The following PRDM2 variants were observed in gnomAD, a reference collection of about 807,000 sequenced individuals.
PRDM2 encodes PR domain zinc finger protein 2.
Under a neutral mutation model 130.0 loss-of-function variants are expected in PRDM2, and 30 were observed. The ratio of observed to expected loss-of-function variants is 0.23; its 90% confidence interval spans 0.17 to 0.31. The LOEUF (loss-of-function observed/expected upper bound fraction) is 0.31. Among genes scored for constraint, PRDM2 ranks in the 10% least tolerant of loss-of-function variants. The pLI, the probability that PRDM2 is intolerant of heterozygous loss-of-function variation, is 1.00. For missense variants in PRDM2, 2,011 were observed against 2,108.4 expected, an observed-to-expected ratio of 0.95 and a Z score of 0.90; for synonymous variants, 871 against 782.4, an observed-to-expected ratio of 1.11 and a Z score of -1.89.
intron 2 of PRDM2, among the ~76,000 whole-genome samples, chr1:13,728,120 T>C (rs1642983602): frequency 6.6e-6 from 1 of 152,200 alleles, no homozygotes; most frequent in South Asian, 2.1e-4. Context: ...CCCAGCTCTT[T>C]CATTTATTTC....
At chr1:13,744,377 A>G (rs115904419) in intron 5 of PRDM2, among the ~76,000 whole-genome samples, 2,805 of 152,226 alleles carry the variant, frequency 0.018, 63 homozygotes, top group South Asian at 0.12. Context: ...ACCTCATAGG[A>G]TTGTTGTGAT....
At chr1:13,821,625 A>G (rs755296832) in intron 9 of PRDM2, among the ~76,000 whole-genome samples, 1 of 151,600 alleles carries the variant, frequency 6.6e-6, no homozygotes, top group Non-Finnish European at 1.5e-5. Flanking sequence ...TCACTAATGT[A>G]TTTTTGTATT....
chr1:13,776,622 A>G (rs1026888308), intron 7 of PRDM2, among the ~76,000 whole-genome samples: 2 of 151,824 alleles, frequency 1.3e-5, no homozygotes, highest in Non-Finnish European at 2.9e-5. Flanking sequence ...TGTCCCCACT[A>G]CTCCACTTGC....
chr1:13,740,482 G>A (rs1346281452), intron 4 of PRDM2, among the ~76,000 whole-genome samples: 1 of 152,226 alleles, frequency 6.6e-6, no homozygotes, highest in Admixed American at 6.5e-5. Flanking sequence ...GATGATTAAA[G>A]TAACTACAGT....
At chr1:13,723,834 T>G (rs1642815751) in intron 2 of PRDM2, among the ~76,000 whole-genome samples, 1 of 152,220 alleles carries the variant, frequency 6.6e-6, no homozygotes, top group Non-Finnish European at 1.5e-5. Context: ...GGCATTTGTT[T>G]GCCCGTTCGC....
rs1643461711 is a variant in PRDM2, at chr1:13,742,034, C to T, written c.261C>T (p.Cys87=). 1 of 1,587,676 alleles carries T rather than the reference C, an allele frequency of 6.3e-7. No homozygotes were observed. The highest frequency in any genetic ancestry group is 1.3e-5 in the African/African-American group (1 of 74,272). Residue 87 remains cysteine, a synonymous_variant, in exon 5 of 10, where the codon TGC becomes TGT. Transcript: ENST00000311066. ...ATTACCCAAATTTGGGATGGATGTGCATTGATGCCACTGATCCAGAGAAGG... is the reference window on the plus strand; with the variant it reads ...ATTACCCAAATTTGGGATGGATGTGTATTGATGCCACTGATCCAGAGAAGG... ...EVYYPNLGWM[C]IDATDPEKGN...
At chr1:13,711,311 C>T (rs536311344) in intron 1 of PRDM2, among the ~76,000 whole-genome samples, 6 of 152,106 alleles carry the variant, frequency 3.9e-5, no homozygotes, top group Admixed American at 6.5e-5. Context: ...GGCACTTCCA[C>T]GGGGGTTTTG....
intron 1 of PRDM2, among the ~76,000 whole-genome samples, chr1:13,702,410 T>C (rs1642097226): frequency 6.6e-6 from 1 of 152,210 alleles, no homozygotes; most frequent in South Asian, 2.1e-4. Flanking sequence ...GTTTGAAAGT[T>C]TTTTTAAAAT....
intron 2 of PRDM2, among the ~76,000 whole-genome samples, chr1:13,727,304 G>C (rs775749807): frequency 3.0e-4 from 46 of 152,118 alleles, no homozygotes; most frequent in Non-Finnish European, 6.2e-4. Flanking sequence ...AGCCAGGCTG[G>C]AGTGCAGTGG....
At position 13,780,043 on chromosome 1, in the gene PRDM2, C is replaced by T. The variant is rs1181162627; in HGVS notation, c.2248C>T (p.Leu750Phe). 6.2e-7 allele frequency: 1 copy of T among 1,614,044 alleles called. No homozygotes were observed. The highest frequency in any genetic ancestry group is 2.2e-5 in the East Asian group (1 of 44,890). The change falls in exon 8 of 10, where the codon CTT becomes TTT. Residue 750 changes from leucine to phenylalanine, a missense_variant. Transcript: ENST00000311066. ...PPSSPQHSPA[L>F]RDFGKPSDGK... ...CAGTTCTCCACAGCACAGTCCTGCCCTTCGAGACTTTGGAAAGCCAAGTGA... is the reference window on the plus strand; with the variant it reads ...CAGTTCTCCACAGCACAGTCCTGCCTTTCGAGACTTTGGAAAGCCAAGTGA...
chr1:13,819,175 C>G (rs1218045637), intron 9 of PRDM2, among the ~76,000 whole-genome samples: 3 of 152,214 alleles, frequency 2.0e-5, no homozygotes, highest in African/African-American at 7.2e-5. Context: ...GGAGGGAGAG[C>G]CAGGTGCAGC....
chr1:13,793,707 C>G (rs1644878441), intron 8 of PRDM2, among the ~76,000 whole-genome samples: 1 of 152,124 alleles, frequency 6.6e-6, no homozygotes, highest in South Asian at 2.1e-4. Context: ...AGTCCCGGCT[C>G]ATGGAGAGCA....
intron 8 of PRDM2, among the ~76,000 whole-genome samples, chr1:13,807,100 G>A (rs1420999843): frequency 6.6e-6 from 1 of 152,134 alleles, no homozygotes; most frequent in Non-Finnish European, 1.5e-5. Context: ...AAACCACTGG[G>A]GGCTGAATAA....
intron 6 of PRDM2, 43 bp from the exon 7 acceptor site, chr1:13,773,034 TA>T (rs35124546): frequency 0.024 from 25,264 of 1,038,516 alleles, 372 homozygotes; most frequent in South Asian, 0.093. Flanking sequence ...AATGAATAAA[TA>T]AAAAAAAAAT....
At chr1:13,751,744 G>C (rs181895759) in intron 6 of PRDM2, among the ~76,000 whole-genome samples, 16 of 152,266 alleles carry the variant, frequency 1.1e-4, no homozygotes, top group African/African-American at 3.6e-4. Flanking sequence ...TTATGAGACA[G>C]AGAGAAAAAC....
chr1:13,782,503 T>A lies in PRDM2; in HGVS notation c.4708T>A (p.Ser1570Thr), dbSNP rs751214285. Reference protein sequence around the residue: ...AASVKSKKPSSSSLRNSSPIR... With the variant: ...AASVKSKKPSTSSLRNSSPIR... ...TTCGGTGAAATCCAAAAAACCAAGC[T>A]CCTCCTCTTTAAGGAACTCCAGCCC... is the stretch of plus-strand genomic sequence containing the variant. The change falls in exon 8 of 10, where the codon TCC becomes ACC. Residue 1570 changes from serine to threonine, a missense_variant. Transcript: ENST00000311066. 2 of 1,614,010 alleles carry A rather than the reference T, an allele frequency of 1.2e-6. No individual in the cohort carries two copies. Among genetic ancestry groups the A allele is most frequent in the Non-Finnish European group, 1.7e-6 (2 of 1,180,028 alleles).
At chr1:13,722,274 G>A (rs994569673) in intron 2 of PRDM2, among the ~76,000 whole-genome samples, 2 of 152,136 alleles carry the variant, frequency 1.3e-5, no homozygotes, top group African/African-American at 2.4e-5. Flanking sequence ...GAATGTTTTC[G>A]TGGAGGAGCT....
intron 2 of PRDM2, among the ~76,000 whole-genome samples, chr1:13,725,623 T>C (rs1309536275): frequency 6.6e-6 from 1 of 152,258 alleles, no homozygotes; most frequent in Non-Finnish European, 1.5e-5. Flanking sequence ...CTACAGGCCT[T>C]ATTCATAAAT....
intron 1 of PRDM2, among the ~76,000 whole-genome samples, chr1:13,710,404 T>A (rs1024725725): frequency 1.3e-5 from 2 of 152,266 alleles, no homozygotes; most frequent in Non-Finnish European, 2.9e-5. Flanking sequence ...GTGGTTATAT[T>A]GATACTGATC....
Sources: gnomAD v4.1 joint callset for allele counts (sites outside exome capture counted in the v4.1 genomes callset) on GRCh38, gnomAD v4.1.1 for gene constraint, MANE v1.5 for transcripts, NCBI Gene and HGNC (gene_info 2026-07-23, HGNC 2026-07-21) for gene names.